The following MRTFB variants were observed in gnomAD, a reference collection of about 807,000 sequenced individuals.
MRTFB encodes the protein myocardin-related transcription factor B.
In MRTFB, 29 loss-of-function variants were observed where a neutral mutation model predicts 104.2. The observed-to-expected ratio is 0.28, with a 90% CI of 0.21 to 0.38. The LOEUF (loss-of-function observed/expected upper bound fraction) is 0.38. Among genes scored for constraint, MRTFB ranks in the 10% least tolerant of loss-of-function variants. MRTFB has a pLI of 1.00. For missense variants in MRTFB, 1,270 were observed against 1,341.6 expected, an observed-to-expected ratio of 0.95 and a Z score of 0.83; for synonymous variants, 535 against 519.5, an observed-to-expected ratio of 1.03 and a Z score of -0.41.
chr16:14,012,907 G>T, the MRTFB span: 1 of 152,076 alleles, frequency 6.6e-6, no homozygotes, highest in Non-Finnish European at 1.5e-5. Context: ...ACTTTTTCCT[G>T]ATATCTTAGT....
chr16:14,044,596 G>A, the MRTFB span, among the ~76,000 whole-genome samples: 2 of 152,220 alleles, frequency 1.3e-5, no homozygotes, highest in African/African-American at 2.4e-5. Context: ...TCACAGCTCA[G>A]CTGTGCAAAG....
At chr16:14,066,798 G>A (rs1336240340), upstream of MRTFB, among the ~76,000 whole-genome samples, 1 of 151,794 alleles carries the variant, frequency 6.6e-6, no homozygotes, top group Non-Finnish European at 1.5e-5. Flanking sequence ...CCAGTTGCTA[G>A]TACTACAGGC....
the MRTFB span, among the ~76,000 whole-genome samples, chr16:14,049,666 T>C: frequency 6.6e-6 from 1 of 152,244 alleles, no homozygotes; most frequent in Non-Finnish European, 1.5e-5. Flanking sequence ...AATATTAAAT[T>C]TGCTGAATTT....
intron 3 of MRTFB, among the ~76,000 whole-genome samples, chr16:14,159,335 C>G (rs1420712581): frequency 6.6e-6 from 1 of 152,128 alleles, no homozygotes; most frequent in Non-Finnish European, 1.5e-5. Context: ...TGAAGGTACT[C>G]AGCTAAATGA....
the MRTFB span, among the ~76,000 whole-genome samples, chr16:14,046,639 A>G: frequency 6.6e-6 from 1 of 152,130 alleles, no homozygotes; most frequent in African/African-American, 2.4e-5. Context: ...TAAAGGTGCT[A>G]ATCCTCCAGC....
chr16:14,152,792 T>G (rs1298493597), intron 3 of MRTFB: 1 of 152,190 alleles, frequency 6.6e-6, no homozygotes, highest in Non-Finnish European at 1.5e-5. Context: ...TTTTGTATGG[T>G]TTGTTTCCTT....
chr16:14,089,519 T>A (rs139407018), intron 2 of MRTFB, among the ~76,000 whole-genome samples: 2 of 152,370 alleles, frequency 1.3e-5, no homozygotes, highest in East Asian at 3.8e-4. Context: ...TTTGCTTATT[T>A]CTTCATCAGT....
At chr16:14,030,115 A>C in the MRTFB span, among the ~76,000 whole-genome samples, 2 of 152,084 alleles carry the variant, frequency 1.3e-5, no homozygotes, top group African/African-American at 2.4e-5. Flanking sequence ...CTGTCTTCGC[A>C]GGGCCTGTGG....
At chr16:14,097,681 C>A (rs1213298350) in intron 2 of MRTFB, among the ~76,000 whole-genome samples, 1 of 152,198 alleles carries the variant, frequency 6.6e-6, no homozygotes, top group African/African-American at 2.4e-5. Flanking sequence ...GGATGATGAA[C>A]ATATCCATCA....
chr16:14,086,333 T>C (rs558355382), intron 2 of MRTFB, among the ~76,000 whole-genome samples: 85 of 152,348 alleles, frequency 5.6e-4, no homozygotes, highest in Non-Finnish European at 1.0e-3. Context: ...TGTTGGAATA[T>C]GGGATTCCAA....
chr16:14,037,395 A>G, the MRTFB span, among the ~76,000 whole-genome samples: 2 of 152,204 alleles, frequency 1.3e-5, no homozygotes, highest in Non-Finnish European at 2.9e-5. Context: ...TGAGCTTGAC[A>G]GGTTTTAAGT....
intron 8 of MRTFB, among the ~76,000 whole-genome samples, chr16:14,231,155 G>A (rs2042245802): frequency 1.5e-5 from 2 of 134,944 alleles, no homozygotes; most frequent in South Asian, 5.7e-4. Flanking sequence ...AGGGGGGAGG[G>A]ATAGCATTAG....
intron 2 of MRTFB, among the ~76,000 whole-genome samples, chr16:14,119,551 A>AT (rs1436050573): frequency 6.6e-6 from 1 of 152,158 alleles, no homozygotes; most frequent in Non-Finnish European, 1.5e-5. Context: ...TTGGTTTTAA[A>AT]TTTTACTAGG....
At chr16:14,212,218 C>A in intron 4 of MRTFB, 136 bp from the exon 5 acceptor site, 1 of 760,440 alleles carries the variant, frequency 1.3e-6, no homozygotes, top group Non-Finnish European at 2.1e-6. Flanking sequence ...TTTTGCAGGT[C>A]TCCTAATGGA....
the MRTFB span, among the ~76,000 whole-genome samples, chr16:14,061,869 C>T: frequency 6.6e-6 from 1 of 152,008 alleles, no homozygotes; most frequent in Non-Finnish European, 1.5e-5. Flanking sequence ...TAAGGTGGTT[C>T]CTGACATAGC....
At chr16:14,083,703 A>G (rs1253612936) in intron 2 of MRTFB, among the ~76,000 whole-genome samples, 2 of 152,066 alleles carry the variant, frequency 1.3e-5, no homozygotes, top group African/African-American at 4.8e-5. Flanking sequence ...TGTCTTTTAA[A>G]ATTTTTGTGC....
Position 14,263,132 on chromosome 16 carries a change from A to G in MRTFB, c.*1688A>G, listed in dbSNP as rs963446079. 6.6e-6 allele frequency: 1 copy of G among 152,272 alleles called. No individual in the cohort carries two copies. Among genetic ancestry groups the G allele is most frequent in the South Asian group, 2.1e-4 (1 of 4,834 alleles). The allele number at this position is 152,272 out of a possible 1,614,324, so 9.4% of individuals were successfully genotyped here. A position where few individuals can be genotyped will look rare whatever the true frequency, so the allele number is the denominator to read the frequency against. ...TGGCACTTCCTGACTCAAAGGCACT[A>G]ACAGTGCTCATGTGCCTTCCAGACG... is the stretch of plus-strand genomic sequence containing the variant. On this transcript the variant is annotated 3_prime_UTR_variant, in exon 17 of 17. Coordinates refer to ENST00000571589, the MANE Select transcript of MRTFB (RefSeq NM_001308142.2).
At chr16:14,058,367 A>C in the MRTFB span, among the ~76,000 whole-genome samples, 21 of 152,162 alleles carry the variant, frequency 1.4e-4, no homozygotes, top group African/African-American at 5.1e-4. Context: ...TAGCTTTAAT[A>C]ATAAAAAGAA....
the MRTFB span, among the ~76,000 whole-genome samples, chr16:14,064,664 A>G: frequency 1.3e-5 from 2 of 152,160 alleles, no homozygotes; most frequent in Non-Finnish European, 1.5e-5. Context: ...TCCAGTTTCA[A>G]TCTTCTGCAT....
Sources: gnomAD v4.1 joint callset for allele counts (sites outside exome capture counted in the v4.1 genomes callset) on GRCh38, gnomAD v4.1.1 for gene constraint, MANE v1.5 for transcripts, NCBI Gene and HGNC (gene_info 2026-07-23, HGNC 2026-07-21) for gene names.